Variants in SLC39A10 observed in about 807,000 individuals in gnomAD.
SLC39A10 encodes solute carrier family 39 member 10.
In SLC39A10, 13 loss-of-function variants were observed where a neutral mutation model predicts 65.1. The observed-to-expected ratio is 0.20, with a 90% CI of 0.13 to 0.32. The LOEUF (loss-of-function observed/expected upper bound fraction) is 0.32. Among genes scored for constraint, SLC39A10 ranks in the 10% least tolerant of loss-of-function variants. The pLI is 1.00. For synonymous variants in SLC39A10, 321 were observed against 342.2 expected (o/e 0.94, Z 0.68); for missense variants, 831 against 1,018.4 (o/e 0.82, Z 2.50).
At chr2:195,654,887 C>G (rs1689114782), upstream of SLC39A10, among the ~76,000 whole-genome samples, 1 of 10,310 alleles carries the variant, frequency 9.7e-5, no homozygotes, top group Non-Finnish European at 1.8e-4. Context: ...AAGTAATATG[C>G]TAGTATGCAG....
rs1692628150 is a variant in SLC39A10, at chr2:195,736,832, A to G, written c.*1791A>G. 1.3e-5 allele frequency: 2 copies of G among 152,712 alleles called. No homozygotes were observed. 9.5% of individuals were successfully genotyped at this position (152,712 alleles called of 1,614,324 possible). ...GCTTGGCCCTTCAAGCAACCTAGCT[A>G]AAAGGTGCTGATATTTTATTTAGTA... On this transcript the variant is annotated 3_prime_UTR_variant, in exon 10 of 10. Transcript: ENST00000359634.
chr2:195,624,741 C>T (rs1688426729), intron 2 of SLC39A10, among the ~76,000 whole-genome samples: 1 of 148,930 alleles, frequency 6.7e-6, no homozygotes, highest in Non-Finnish European at 1.5e-5. Context: ...CGGATGTGGT[C>T]GATGGCGGGC....
intron 7 of SLC39A10, 70 bp from the exon 8 acceptor site, chr2:195,718,182 C>A: frequency 1.6e-6 from 2 of 1,251,068 alleles, no homozygotes; most frequent in Non-Finnish European, 1.2e-6. Context: ...GAAACTGCAT[C>A]TGTCATTAAT....
chr2:195,665,215 G>T (rs1442253084), intron 1 of SLC39A10, among the ~76,000 whole-genome samples: 4 of 152,236 alleles, frequency 2.6e-5, no homozygotes, highest in Admixed American at 2.0e-4. Context: ...TACTTGGGAT[G>T]CTGAGGCAGG....
intron 5 of SLC39A10, among the ~76,000 whole-genome samples, chr2:195,710,706 T>G (rs1377498100): frequency 6.6e-6 from 1 of 152,188 alleles, no homozygotes; most frequent in South Asian, 2.1e-4. Flanking sequence ...ATCATCACAT[T>G]TGTTTGCCTC....
At chr2:195,721,877 A>G (rs1355344688) in intron 8 of SLC39A10, among the ~76,000 whole-genome samples, 2 of 152,212 alleles carry the variant, frequency 1.3e-5, no homozygotes, top group African/African-American at 4.8e-5. Context: ...GGTTTTACTG[A>G]ATTGCCATAA....
intron 8 of SLC39A10, among the ~76,000 whole-genome samples, chr2:195,727,909 T>C (rs1692303519): frequency 6.6e-6 from 1 of 152,182 alleles, no homozygotes; most frequent in Non-Finnish European, 1.5e-5. Context: ...TTCTTCATTA[T>C]TATAGTTTTG....
At chr2:195,669,966 C>T (rs1689789159) in intron 1 of SLC39A10, among the ~76,000 whole-genome samples, 1 of 152,154 alleles carries the variant, frequency 6.6e-6, no homozygotes, top group African/African-American at 2.4e-5. Flanking sequence ...CAAGACCATC[C>T]TGGCCAACAT....
At position 195,630,417 on chromosome 2, in the gene SLC39A10, G is replaced by T. The variant is rs186085428; in HGVS notation, c.-12+24184G>T. On this transcript the variant is annotated intron_variant, in intron 2 of 2. Coordinates refer to the SLC39A10 transcript ENST00000458054. Reference sequence around the variant, plus strand: ...CACACTACCCTCCAAGAACCTCCAAGTATTCCGCTATTCGGAAGCTCTGTG... The same window carrying T: ...CACACTACCCTCCAAGAACCTCCAATTATTCCGCTATTCGGAAGCTCTGTG... 3.5e-3 allele frequency among the ~76,000 whole-genome samples: 528 copies of T among 152,300 alleles called. 2 individuals carry two copies. The highest frequency in any genetic ancestry group is 0.012 in the African/African-American group (508 of 41,558).
intron 2 of SLC39A10, among the ~76,000 whole-genome samples, chr2:195,682,733 T>G (rs528226595): frequency 1.6e-4 from 25 of 152,266 alleles, no homozygotes; most frequent in African/African-American, 6.0e-4. Context: ...ATAGGTCTGA[T>G]GTATACTGGG....
chr2:195,647,171 G>A (rs183279369), intron 2 of SLC39A10, among the ~76,000 whole-genome samples: 56 of 152,148 alleles, frequency 3.7e-4, no homozygotes, highest in African/African-American at 1.3e-3. Context: ...TGTACCCTTT[G>A]CCATGTAATC....
chr2:195,680,394 C>G lies in SLC39A10; in HGVS notation c.352C>G (p.Gln118Glu). 1.9e-6 allele frequency: 3 copies of G among 1,613,960 alleles called. No homozygotes were observed. Among genetic ancestry groups the G allele is most frequent in the Non-Finnish European group, 2.5e-6 (3 of 1,180,006 alleles). Residue 118 changes from glutamine to glutamate, a missense_variant, in exon 2 of 10, where the codon CAA becomes GAA. By Grantham distance (29) the Gln-to-Glu change is conservative. Transcript: ENST00000359634. ...TTCTCATTTAGATATTTTGGCAGTT[C>G]AAGAGGGAAAGCATTTTCACTCACA... ...HVSHLDILAVQEGKHFHSHNH... is the reference protein window; with the variant it reads ...HVSHLDILAVEEGKHFHSHNH...
intron 3 of SLC39A10, among the ~76,000 whole-genome samples, chr2:195,687,172 G>T (rs1690556868): frequency 6.6e-6 from 1 of 152,130 alleles, no homozygotes; most frequent in South Asian, 2.1e-4. Context: ...TCCCTCTCAG[G>T]TGCCTGTAAA....
At chr2:195,674,689 T>G (rs756816400) in intron 1 of SLC39A10, 17 of 967,256 alleles carry the variant, frequency 1.8e-5, no homozygotes, top group Non-Finnish European at 2.1e-5. Flanking sequence ...GAGTATGTTC[T>G]GAGGTGCAGG....
At chr2:195,642,792 C>T (rs1688837468) in intron 2 of SLC39A10, among the ~76,000 whole-genome samples, 1 of 152,118 alleles carries the variant, frequency 6.6e-6, no homozygotes, top group South Asian at 2.1e-4. Flanking sequence ...TTAAAACACT[C>T]CTTTACACAC....
rs1692688017 is a variant in SLC39A10, at chr2:195,737,472, A to AG, written c.*2431_*2432insG. The AG allele has an allele frequency of 6.2e-6, 1 of 160,702 alleles. No homozygotes were observed. Among genetic ancestry groups the AG allele is most frequent in the African/African-American group, 2.4e-5 (1 of 41,290 alleles). The allele number at this position is 160,702 out of a possible 1,614,324, so 10.0% of individuals were successfully genotyped here. On this transcript the variant is annotated 3_prime_UTR_variant, in exon 10 of 10. Coordinates refer to ENST00000359634, the MANE Select transcript of SLC39A10 (RefSeq NM_020342.3). Reference sequence around the variant, plus strand: ...GATGCAGTGTGAATTTTTTCCATTAACAAACAAACAAGTCAGTGGCTTAAA... The same window carrying AG: ...GATGCAGTGTGAATTTTTTCCATTAAGCAAACAAACAAGTCAGTGGCTTAAA...
Position 195,736,955 on chromosome 2 carries a change from T to G in SLC39A10, c.*1914T>G, listed in dbSNP as rs928327261. The G allele has an allele frequency of 6.6e-6, 1 of 152,626 alleles. No individual in the cohort carries two copies. The highest frequency in any genetic ancestry group is 2.4e-5 in the African/African-American group (1 of 41,460). 9.5% of individuals were successfully genotyped at this position (152,626 alleles called of 1,614,324 possible). ...TGGGTTTTTATACCCACGGTAGGAT[T>G]CTGCATTCCAGCATTAAATCTGCTT... is the stretch of plus-strand genomic sequence containing the variant. On this transcript the variant is annotated 3_prime_UTR_variant, in exon 10 of 10. Transcript: ENST00000359634.
At chr2:195,701,686 T>C (rs1397523207) in intron 3 of SLC39A10, among the ~76,000 whole-genome samples, 19 of 151,908 alleles carry the variant, frequency 1.3e-4, no homozygotes, top group Non-Finnish European at 5.9e-5. Context: ...GTTTTTTTTG[T>C]TTTTTGTTTT....
rs538765867 is a variant in SLC39A10 at position 195,730,219 on chromosome 2, A to G, written c.2337+1870A>G. Reference sequence around the variant, plus strand: ...ATTAACCATTGACCATGGCATCGCTAAGTCTGCTAGTCATTTTCCAGTCTT... The same window carrying G: ...ATTAACCATTGACCATGGCATCGCTGAGTCTGCTAGTCATTTTCCAGTCTT... On this transcript the variant is annotated intron_variant, in intron 9 of 9. Transcript: ENST00000359634. 1.1e-4 allele frequency among the ~76,000 whole-genome samples: 16 copies of G among 152,212 alleles called. No individual in the cohort carries two copies. In the South Asian group the frequency reaches 3.3e-3, roughly 32 times the overall value.
Sources: allele counts gnomAD v4.1 joint callset (sites outside exome capture counted in the v4.1 genomes callset), GRCh38; gene constraint gnomAD v4.1.1; transcripts MANE v1.5; gene names NCBI Gene and HGNC (gene_info 2026-07-23, HGNC 2026-07-21).